The following BCAT1 variants were observed in gnomAD, a reference collection of about 807,000 sequenced individuals.
BCAT1 encodes branched-chain-amino-acid aminotransferase, cytosolic.
Under a neutral mutation model 52.4 loss-of-function variants are expected in BCAT1, and 48 were observed. The observed-to-expected ratio is 0.92, with a 90% CI of 0.73 to 1.16. BCAT1 has a LOEUF of 1.16. Among genes scored for constraint, BCAT1 ranks in the 50% most tolerant of loss-of-function variants. The pLI, the probability that BCAT1 is intolerant of heterozygous loss-of-function variation, is 0.00. For missense variants in BCAT1, 451 were observed against 457.1 expected (o/e 0.99, Z 0.12); for synonymous variants, 167 against 161.3 (o/e 1.04, Z -0.27).
Position 24,948,948 on chromosome 12 carries a change from G to A in BCAT1, c.-16C>T, listed in dbSNP as rs768121023. On this transcript the variant is annotated 5_prime_UTR_variant, in exon 1 of 11. Transcript: ENST00000261192. ...TTACCTTCATTGTTCCGTCGGCCACGAGGGAAGCTCGAGCTGAGCGGAGGG... is the reference window on the plus strand; with the variant it reads ...TTACCTTCATTGTTCCGTCGGCCACAAGGGAAGCTCGAGCTGAGCGGAGGG... 1.3e-6 allele frequency: 2 copies of A among 1,593,924 alleles called. No homozygotes were observed. The highest frequency in any genetic ancestry group is 3.5e-5 in the Admixed American group (2 of 57,218).
intron 5 of BCAT1, among the ~76,000 whole-genome samples, chr12:24,850,197 T>C (rs1379624202): frequency 6.6e-6 from 1 of 152,210 alleles, no homozygotes; most frequent in Non-Finnish European, 1.5e-5. Context: ...GCTAGATTTG[T>C]CCATTTTTGC....
At chr12:24,822,999 C>A (rs1940207515) in intron 10 of BCAT1, among the ~76,000 whole-genome samples, 2 of 150,590 alleles carry the variant, frequency 1.3e-5, no homozygotes, top group African/African-American at 4.9e-5. Context: ...AACTTTTTTA[C>A]ATGGTCTCAC....
chr12:24,829,274 C>G (rs970453033), intron 10 of BCAT1, among the ~76,000 whole-genome samples: 1 of 152,018 alleles, frequency 6.6e-6, no homozygotes, highest in African/African-American at 2.4e-5. Flanking sequence ...ATCCCAGCTA[C>G]TCGGGAGGCT....
In BCAT1 at chr12:24,844,789, C is replaced by T. The variant is rs765914508; in HGVS notation, c.675-2565G>A. On this transcript the variant is annotated intron_variant, in intron 6 of 10. Transcript: ENST00000261192. ...GCTGGCGCCTGTAGTCCCAGCTACT[C>T]GGGAGGCTGAGGCAGGAGAATGGCG... 3.4e-5 allele frequency among the ~76,000 whole-genome samples: 5 copies of T among 145,130 alleles called. No individual in the cohort carries two copies. The East Asian group carries it at 6.4e-4, about 19-fold the overall frequency.
At chr12:24,839,305 G>A (rs1941100598) in intron 7 of BCAT1, among the ~76,000 whole-genome samples, 2 of 152,188 alleles carry the variant, frequency 1.3e-5, no homozygotes, top group African/African-American at 2.4e-5. Context: ...AGACATCTGA[G>A]GAAGAGTGCT....
At chr12:24,844,383 A>C (rs1398129801) in intron 6 of BCAT1, among the ~76,000 whole-genome samples, 5 of 152,016 alleles carry the variant, frequency 3.3e-5, no homozygotes, top group African/African-American at 1.2e-4. Context: ...GTGAGCCGAG[A>C]TTGTGCCATG....
At chr12:24,899,665 C>T (rs1943042203) in intron 2 of BCAT1, among the ~76,000 whole-genome samples, 1 of 151,264 alleles carries the variant, frequency 6.6e-6, no homozygotes, top group African/African-American at 2.4e-5. Flanking sequence ...AAATGTGGTG[C>T]ATATACACAA....
chr12:24,914,886 C>T (rs11047703), intron 1 of BCAT1, among the ~76,000 whole-genome samples: 24,845 of 151,988 alleles, frequency 0.16, 2,167 homozygotes, highest in East Asian at 0.27. Context: ...CAGGATTCAG[C>T]CCAAATTGTA....
At chr12:24,858,709 T>G (rs1313627771) in intron 5 of BCAT1, among the ~76,000 whole-genome samples, 1 of 152,234 alleles carries the variant, frequency 6.6e-6, no homozygotes, top group Non-Finnish European at 1.5e-5. Context: ...AGAGTTAACA[T>G]TGTAGCACAT....
chr12:24,881,952 G>T (rs898864220), intron 3 of BCAT1, among the ~76,000 whole-genome samples: 1 of 152,168 alleles, frequency 6.6e-6, no homozygotes, highest in Non-Finnish European at 1.5e-5. Context: ...CTCAATCAAA[G>T]TGCTGTCCTG....
chr12:24,870,350 T>C (rs966624666), intron 5 of BCAT1, among the ~76,000 whole-genome samples: 1 of 152,150 alleles, frequency 6.6e-6, no homozygotes, highest in Non-Finnish European at 1.5e-5. Flanking sequence ...TCAAATATAG[T>C]TGAGAGCAAG....
At chr12:24,822,392 T>C (rs1034957550) in intron 10 of BCAT1, among the ~76,000 whole-genome samples, 1 of 152,204 alleles carries the variant, frequency 6.6e-6, no homozygotes, top group African/African-American at 2.4e-5. Flanking sequence ...GCAAGAATCT[T>C]GAAGGTTTTT....
chr12:24,945,564 A>T (rs137964364), intron 1 of BCAT1: 1 of 152,204 alleles, frequency 6.6e-6, no homozygotes, highest in Non-Finnish European at 1.5e-5. Flanking sequence ...AAAGAATGAT[A>T]GCACATGCCT....
intron 10 of BCAT1, among the ~76,000 whole-genome samples, chr12:24,823,522 T>C (rs549225806): frequency 6.6e-6 from 1 of 152,354 alleles, no homozygotes; most frequent in South Asian, 2.1e-4. Flanking sequence ...GGTTTGAATT[T>C]GTGTCCCCAC....
rs1399498152 is a variant in BCAT1, at chr12:24,949,088, G to A, written c.-156C>T. ...CCCGAGGCGGCGGCGAGTACACGTGGCGGGCTGGATTGCAGACCGGCCCTC... is the reference window on the plus strand; with the variant it reads ...CCCGAGGCGGCGGCGAGTACACGTGACGGGCTGGATTGCAGACCGGCCCTC... On this transcript the variant is annotated 5_prime_UTR_variant, in exon 1 of 11. Coordinates refer to ENST00000261192, the MANE Select transcript of BCAT1 (RefSeq NM_005504.7). 4.4e-6 allele frequency: 3 copies of A among 689,220 alleles called. No homozygotes were observed. Among genetic ancestry groups the A allele is most frequent in the Admixed American group, 2.9e-5 (1 of 35,034 alleles). 42.7% of individuals were successfully genotyped at this position (689,220 alleles called of 1,614,324 possible).
intron 5 of BCAT1, among the ~76,000 whole-genome samples, chr12:24,866,194 C>T (rs958728995): frequency 6.6e-5 from 10 of 152,342 alleles, no homozygotes; most frequent in East Asian, 5.8e-4. Flanking sequence ...CTGCCAGCCC[C>T]GGGCAGTGAG....
chr12:24,892,502 T>A (rs1323764349), intron 3 of BCAT1, among the ~76,000 whole-genome samples: 3 of 152,226 alleles, frequency 2.0e-5, no homozygotes, highest in South Asian at 2.1e-4. Context: ...CTGATTCTGA[T>A]GCACATTAAG....
intron 6 of BCAT1, among the ~76,000 whole-genome samples, chr12:24,848,704 A>G (rs1269569296): frequency 6.6e-6 from 1 of 152,214 alleles, no homozygotes; most frequent in Non-Finnish European, 1.5e-5. Context: ...AGAAATCAAG[A>G]GTCAAAAAAA....
At position 24,834,696 on chromosome 12, in the gene BCAT1, C is replaced by T. The variant is rs754040760; in HGVS notation, c.903+1815G>A. 8.8e-6 allele frequency: 9 copies of T among 1,026,736 alleles called. No individual in the cohort carries two copies. In the Admixed American group the frequency reaches 4.5e-4, roughly 52 times the overall value. The allele number at this position is 1,026,736 out of a possible 1,614,324, so 63.6% of individuals were successfully genotyped here. ...AAATATATCTGCAATAGAAATATGG[C>T]TCTTTGAAAGTTTCAATTTCTCTCA... On this transcript the variant is annotated intron_variant, in intron 8 of 10. Coordinates refer to ENST00000261192, the MANE Select transcript of BCAT1 (RefSeq NM_005504.7).
Sources: gnomAD v4.1 joint callset for allele counts (sites outside exome capture counted in the v4.1 genomes callset) on GRCh38, gnomAD v4.1.1 for gene constraint, MANE v1.5 for transcripts, NCBI Gene and HGNC (gene_info 2026-07-23, HGNC 2026-07-21) for gene names.